The following FNBP1 variants were observed in gnomAD, a reference collection of about 807,000 sequenced individuals.
FNBP1 encodes the protein formin binding protein 1.
FNBP1 carries 26 observed loss-of-function variants against 90.6 expected under a neutral mutation model. The ratio of observed to expected loss-of-function variants is 0.29; its 90% CI spans 0.21 to 0.40. The LOEUF is 0.40. Ranked by LOEUF, FNBP1 falls within the 10% of genes least tolerant of loss-of-function variation. The pLI is 1.00. For missense variants in FNBP1, 635 were observed against 768.0 expected (o/e 0.83, Z 2.05); for synonymous variants, 260 against 265.2 (o/e 0.98, Z 0.19).
chr9:130,022,720 T>C (rs2057959543), intron 1 of FNBP1, among the ~76,000 whole-genome samples: 2 of 152,330 alleles, frequency 1.3e-5, no homozygotes, highest in Admixed American at 6.5e-5. Context: ...TGCAGTATGC[T>C]GGTGTGCAGT....
chr9:130,023,646 G>A (rs2058065728), intron 1 of FNBP1, among the ~76,000 whole-genome samples: 1 of 151,938 alleles, frequency 6.6e-6, no homozygotes, highest in African/African-American at 2.4e-5. Context: ...AGTCCTTGTT[G>A]GGTTTCTGCT....
intron 2 of FNBP1, among the ~76,000 whole-genome samples, chr9:129,981,778 T>C (rs141178550): frequency 8.4e-4 from 128 of 152,256 alleles, no homozygotes; most frequent in African/African-American, 2.9e-3. Context: ...TGACCTCCAT[T>C]GTCCTTCTTG....
intron 1 of FNBP1, among the ~76,000 whole-genome samples, chr9:130,040,123 C>T (rs778522854): frequency 5.3e-5 from 8 of 152,198 alleles, no homozygotes; most frequent in Admixed American, 1.3e-4. Flanking sequence ...CTCTGACCAC[C>T]GGAGAAACTG....
chr9:130,021,159 G>T (rs535853858), intron 1 of FNBP1, among the ~76,000 whole-genome samples: 1 of 152,310 alleles, frequency 6.6e-6, no homozygotes, highest in South Asian at 2.1e-4. Context: ...TAGTAGAGCA[G>T]TATCTAGAAA....
In FNBP1 at chr9:130,003,934, A is replaced by AAAAAAAAAG. The variant is rs56198229; in HGVS notation, c.25-8977_25-8976insCTTTTTTTT. On this transcript the variant is annotated intron_variant, in intron 1 of 16. Coordinates refer to ENST00000446176, the MANE Select transcript of FNBP1 (RefSeq NM_015033.3). ...GCGAGACTCCGCCTCAAAAAAAAAA[A>AAAAAAAAAG]GTAGTCTTCTGTAACCTATTTTTTG... Among the ~76,000 whole-genome samples the AAAAAAAAAG allele has an allele frequency of 7.3e-5, 11 of 150,962 alleles. 1 individual carries two copies. The highest frequency in any genetic ancestry group is 2.0e-4 in the Admixed American group (3 of 15,114).
At chr9:130,020,771 G>T (rs189748212) in intron 1 of FNBP1, among the ~76,000 whole-genome samples, 2 of 152,280 alleles carry the variant, frequency 1.3e-5, no homozygotes, top group African/African-American at 4.8e-5. Flanking sequence ...ACAGATTCAA[G>T]GGAGGTTAAC....
At position 129,966,031 on chromosome 9, in the gene FNBP1, T is replaced by A. The variant is rs2048580601; in HGVS notation, c.346-7478A>T. ...CCATGCTCACTGACATGCCCACTTG[T>A]GAACAGGGCTGCTCCAGGCACGAGG... On this transcript the variant is annotated intron_variant, in intron 4 of 16. Coordinates refer to ENST00000446176, the MANE Select transcript of FNBP1 (RefSeq NM_015033.3). The surrounding 1 kb of genome is among the most constrained non-coding windows in gnomAD (Gnocchi z 4.3). Among the ~76,000 whole-genome samples the A allele has an allele frequency of 6.6e-6, 1 of 152,142 alleles. No individual in the cohort carries two copies. Among genetic ancestry groups the A allele is most frequent in the Admixed American group, 6.5e-5 (1 of 15,276 alleles).
At chr9:129,965,464 T>G (rs2048412677) in intron 4 of FNBP1, among the ~76,000 whole-genome samples, 1 of 152,282 alleles carries the variant, frequency 6.6e-6, no homozygotes, top group East Asian at 1.9e-4. Flanking sequence ...CTCTGGCTAC[T>G]CCTCTGCTCA....
At position 129,978,560 on chromosome 9, in the gene FNBP1, C is replaced by T; in HGVS notation, c.250G>A (p.Ala84Thr). ...ISNLNEMNDY[A>T]GQHEVISENM... The stretch of plus-strand genomic sequence containing the variant: ...TCGGAGATAACTTCATGCTGCCCTG[C>T]GTAATCATTCATTTCGTTCAGGTTG... The change falls in exon 4 of 17, where the codon GCA becomes ACA. Residue 84 changes from alanine to threonine, a missense_variant. Physicochemically the swap from Ala to Thr is moderately conservative, Grantham distance 58. Transcript: ENST00000446176. 3 of 1,613,666 alleles carry T rather than the reference C, an allele frequency of 1.9e-6. No homozygotes were observed. Among genetic ancestry groups the T allele is most frequent in the Non-Finnish European group, 2.5e-6 (3 of 1,179,732 alleles).
intron 6 of FNBP1, among the ~76,000 whole-genome samples, chr9:129,939,315 C>T (rs755960516): frequency 2.0e-5 from 3 of 150,252 alleles, no homozygotes; most frequent in Non-Finnish European, 4.4e-5. Context: ...CTTGAACTCA[C>T]GAGGCAGAGG....
Position 129,957,278 on chromosome 9 carries a change from T to C in FNBP1, c.513+82A>G, listed in dbSNP as rs2047099054. On this transcript the variant is annotated intron_variant, in intron 6 of 16. Transcript: ENST00000446176. This position sits in a 1 kb window ranked among gnomAD's most constrained non-coding sequence, Gnocchi z 4.3. ...GTCTCGAACTCCTGGCCTCAGGTGA[T>C]CCGCTCACCTCAGCCTCCCAAAGTG... The C allele has an allele frequency of 4.2e-6, 4 of 953,710 alleles. No individual in the cohort carries two copies. The highest frequency in any genetic ancestry group is 6.6e-6 in the Non-Finnish European group (4 of 603,246). The allele number at this position is 953,710 out of a possible 1,614,324, so 59.1% of individuals were successfully genotyped here.
chr9:129,979,626 T>C (rs2050871729), intron 2 of FNBP1, among the ~76,000 whole-genome samples: 2 of 152,136 alleles, frequency 1.3e-5, no homozygotes, highest in Admixed American at 6.5e-5. Context: ...GGACAGACCA[T>C]GTGTAAATAT....
chr9:129,994,522 A>C (rs2053693024), intron 2 of FNBP1, among the ~76,000 whole-genome samples: 1 of 152,168 alleles, frequency 6.6e-6, no homozygotes, highest in South Asian at 2.1e-4. Flanking sequence ...ATGGAGCTGC[A>C]CACTTATGAT....
At chr9:130,015,473 A>C (rs556838392) in intron 1 of FNBP1, among the ~76,000 whole-genome samples, 17 of 152,294 alleles carry the variant, frequency 1.1e-4, no homozygotes, top group East Asian at 1.9e-4. Flanking sequence ...AGAGGCCAGC[A>C]GTACCAAGCA....
chr9:130,043,489 G>A (rs980044514), upstream of FNBP1, among the ~76,000 whole-genome samples: 1 of 152,238 alleles, frequency 6.6e-6, no homozygotes, highest in African/African-American at 2.4e-5. Flanking sequence ...CAGGCCCTGG[G>A]ATCACCGATG....
intron 16 of FNBP1, chr9:129,895,352 C>G: frequency 9.3e-7 from 1 of 1,069,940 alleles, no homozygotes; most frequent in Non-Finnish European, 1.1e-6. Flanking sequence ...AATGAGTATA[C>G]AATTTAACAA....
At chr9:130,044,991 A>AAAAAC (rs1342392730), upstream of FNBP1, 3 of 152,172 alleles carry the variant, frequency 2.0e-5, no homozygotes, top group Non-Finnish European at 4.4e-5. Context: ...CTACTAAACA[A>AAAAAC]AAAACAAAAC....
At chr9:129,921,392 GT>G (rs571198524) in intron 10 of FNBP1, among the ~76,000 whole-genome samples, 2,071 of 144,104 alleles carry the variant, frequency 0.014, 18 homozygotes, top group Middle Eastern at 0.025. Context: ...TTTTTCATGG[GT>G]TTTTTTTTTT....
chr9:129,989,416 T>C (rs1188850056), intron 2 of FNBP1, among the ~76,000 whole-genome samples: 1 of 152,136 alleles, frequency 6.6e-6, no homozygotes, highest in Non-Finnish European at 1.5e-5. Context: ...AAACACATAA[T>C]TCCCCATAAA....
Sources: gnomAD v4.1 joint callset for allele counts (sites outside exome capture counted in the v4.1 genomes callset) on GRCh38, gnomAD v4.1.1 for gene constraint, Gnocchi (gnomAD v3.1) non-coding constraint, MANE v1.5 for transcripts, NCBI Gene and HGNC (gene_info 2026-07-23, HGNC 2026-07-21) for gene names.